DAB1: variants seen among roughly 807,000 people sequenced by gnomAD.
DAB1 encodes DAB adaptor protein 1, also known as disabled homolog 1.
DAB1 carries 15 observed loss-of-function variants against 64.6 expected under a neutral mutation model. That is an observed-to-expected ratio of 0.23 (90% CI 0.16 to 0.36). The LOEUF (loss-of-function observed/expected upper bound fraction) is 0.36, where lower values mean the gene tolerates loss of function less well. DAB1 is among the 10% of genes least tolerant of loss of function. The pLI is 1.00. For missense variants in DAB1, 596 were observed against 706.7 expected (o/e 0.84, Z 1.78); for synonymous variants, 235 against 251.9 (o/e 0.93, Z 0.64).
chr1:57,356,879 G>T (rs1679151948), intron 1 of DAB1, among the ~76,000 whole-genome samples: 2 of 152,024 alleles, frequency 1.3e-5, no homozygotes, highest in Non-Finnish European at 2.9e-5. Context: ...CACCGGAGAA[G>T]CAGTACTGGG....
At chr1:58,140,591 C>A (rs1466773312) in intron 5 of DAB1, among the ~76,000 whole-genome samples, 2 of 152,000 alleles carry the variant, frequency 1.3e-5, no homozygotes, top group African/African-American at 4.8e-5. Flanking sequence ...AAAAAAAAAT[C>A]TCTAATTATA....
chr1:58,105,328 A>G (rs549375051), intron 5 of DAB1, among the ~76,000 whole-genome samples: 1 of 152,324 alleles, frequency 6.6e-6, no homozygotes, highest in African/African-American at 2.4e-5. Flanking sequence ...ATCGGCACCC[A>G]TTAGAAGGAC....
At chr1:57,743,353 G>A (rs1169611173) in intron 6 of DAB1, among the ~76,000 whole-genome samples, 1 of 152,044 alleles carries the variant, frequency 6.6e-6, no homozygotes, top group Non-Finnish European at 1.5e-5. Flanking sequence ...CCCCACCCTT[G>A]AGAATGTACT....
chr1:57,118,682 GT>G (rs1010546456), intron 4 of DAB1, among the ~76,000 whole-genome samples: 12 of 152,098 alleles, frequency 7.9e-5, no homozygotes, highest in African/African-American at 2.7e-4. Context: ...TCTATGACTG[GT>G]TTTTTTATTT....
At position 58,397,292 on chromosome 1, in the gene DAB1, G is replaced by T. The variant is rs1314183120; in HGVS notation, n.258-53889C>A. 3.9e-5 allele frequency among the ~76,000 whole-genome samples: 6 copies of T among 152,184 alleles called. No homozygotes were observed. In the East Asian group the frequency reaches 9.7e-4, roughly 24 times the overall value. ...ACCTCAAAGCATATGGGGATTGGTT[G>T]TTCTGACATTTCATGCAGAAACGTT... On this transcript the variant is annotated intron_variant and non_coding_transcript_variant, in intron 3 of 20. Coordinates refer to the DAB1 transcript ENST00000485760.
intron 5 of DAB1, among the ~76,000 whole-genome samples, chr1:57,995,047 A>G (rs1646403599): frequency 6.6e-6 from 1 of 152,162 alleles, no homozygotes; most frequent in Non-Finnish European, 1.5e-5. Context: ...TGCTTTGCTG[A>G]TAACTGTCTG....
chr1:57,625,611 A>C (rs1645913265), intron 7 of DAB1, among the ~76,000 whole-genome samples: 1 of 152,220 alleles, frequency 6.6e-6, no homozygotes, highest in South Asian at 2.1e-4. Context: ...GTATGTCTTG[A>C]AGGATGAGAA....
At chr1:57,170,786 C>G (rs565943906) in intron 2 of DAB1, among the ~76,000 whole-genome samples, 18 of 152,278 alleles carry the variant, frequency 1.2e-4, no homozygotes, top group African/African-American at 4.3e-4. Context: ...AAGGCTGATA[C>G]AGATGTGAGT....
At chr1:58,336,684 A>G (rs1034415620) in intron 4 of DAB1, among the ~76,000 whole-genome samples, 1 of 152,138 alleles carries the variant, frequency 6.6e-6, no homozygotes, top group Non-Finnish European at 1.5e-5. Context: ...GTTTAACTGG[A>G]TGAAGTATTC....
At chr1:57,787,908 G>A (rs749667123) in intron 6 of DAB1, among the ~76,000 whole-genome samples, 6 of 151,606 alleles carry the variant, frequency 4.0e-5, no homozygotes, top group Non-Finnish European at 8.8e-5. Flanking sequence ...CCCATGAAAA[G>A]ATACTCGGTA....
chr1:58,345,727 GCCTAAGAGGA>G (rs1170731353), intron 3 of DAB1, among the ~76,000 whole-genome samples: 2 of 151,960 alleles, frequency 1.3e-5, no homozygotes, highest in Non-Finnish European at 2.9e-5. Context: ...CTTCCCTCGT[GCCTAAGAGGA>G]CCTCTGGCCT....
At chr1:58,200,835 T>C (rs1203658113) in intron 4 of DAB1, among the ~76,000 whole-genome samples, 2 of 152,204 alleles carry the variant, frequency 1.3e-5, no homozygotes, top group African/African-American at 2.4e-5. Flanking sequence ...AACCAAAACA[T>C]GAGTTGTTTA....
intron 4 of DAB1, among the ~76,000 whole-genome samples, chr1:58,301,789 A>C (rs1345082283): frequency 6.6e-6 from 1 of 152,136 alleles, no homozygotes; most frequent in African/African-American, 2.4e-5. Flanking sequence ...TAGCTCTGTA[A>C]CTTTGGACAA....
At chr1:57,203,342 T>C (rs1569875567) in intron 2 of DAB1, among the ~76,000 whole-genome samples, 1 of 152,202 alleles carries the variant, frequency 6.6e-6, no homozygotes, top group Non-Finnish European at 1.5e-5. Flanking sequence ...CATCCATTTC[T>C]TCCTACCGAA....
chr1:57,243,370 C>T (rs1668632748), intron 2 of DAB1, among the ~76,000 whole-genome samples: 1 of 152,168 alleles, frequency 6.6e-6, no homozygotes, highest in South Asian at 2.1e-4. Context: ...CAGACATGCA[C>T]AGACCTATGG....
chr1:57,387,939 C>A (rs2100991893), intron 1 of DAB1, among the ~76,000 whole-genome samples: 1 of 151,776 alleles, frequency 6.6e-6, no homozygotes, highest in African/African-American at 2.4e-5. Context: ...CTACACCCAC[C>A]TATGATCTAT....
chr1:57,287,778 T>TTTATTTATTTATTTA (rs1553164511), intron 2 of DAB1, among the ~76,000 whole-genome samples: 35 of 144,144 alleles, frequency 2.4e-4, no homozygotes, highest in African/African-American at 8.3e-4. Context: ...TTTCTCTCTC[T>TTTATTTATTTATTTA]TTTATTTATT....
intron 4 of DAB1, among the ~76,000 whole-genome samples, chr1:58,296,195 GA>G (rs1247221319): frequency 1.1e-5 from 1 of 93,508 alleles, no homozygotes; most frequent in Non-Finnish European, 2.2e-5. Context: ...GAGAAAGAAA[GA>G]GAAAGAAAGA....
intron 5 of DAB1, among the ~76,000 whole-genome samples, chr1:57,904,740 T>A (rs74492907): frequency 2.0e-5 from 3 of 151,988 alleles, no homozygotes; most frequent in African/African-American, 7.3e-5. Context: ...GAGCTTGAAA[T>A]GTCAAAGGAT....
Sources: gnomAD v4.1 joint callset for allele counts (sites outside exome capture counted in the v4.1 genomes callset) on GRCh38, gnomAD v4.1.1 for gene constraint, MANE v1.5 for transcripts, NCBI Gene and HGNC (gene_info 2026-07-23, HGNC 2026-07-21) for gene names.